Variants in CRPPA observed in about 807,000 individuals in gnomAD.
CRPPA encodes the protein CDP-L-ribitol pyrophosphorylase A.
In CRPPA, 43 loss-of-function variants were observed where a neutral mutation model predicts 52.0. The ratio of observed to expected loss-of-function variants is 0.83; its 90% CI spans 0.65 to 1.07. CRPPA has a LOEUF of 1.07. Ranked by LOEUF, CRPPA falls within the 50% of genes least tolerant of loss-of-function variation. The pLI is 0.00. For synonymous variants in CRPPA, 250 were observed against 203.5 expected (o/e 1.23, Z -1.94); for missense variants, 629 against 551.7 (o/e 1.14, Z -1.40).
At chr7:16,227,914 T>A (rs772846519) in intron 8 of CRPPA, among the ~76,000 whole-genome samples, 8 of 151,938 alleles carry the variant, frequency 5.3e-5, no homozygotes, top group Non-Finnish European at 1.0e-4. Context: ...GGAGTGGTTT[T>A]TGTATATGGT....
chr7:16,294,672 TTAAG>T (rs1784634868), intron 5 of CRPPA, among the ~76,000 whole-genome samples: 1 of 151,942 alleles, frequency 6.6e-6, no homozygotes, highest in Non-Finnish European at 1.5e-5. Context: ...ATTCGGAAAA[TTAAG>T]TGTCATACTC....
At chr7:16,323,108 A>ATTT (rs1785299284) in intron 3 of CRPPA, among the ~76,000 whole-genome samples, 1 of 152,100 alleles carries the variant, frequency 6.6e-6, no homozygotes. Flanking sequence ...TCAAGATGAG[A>ATTT]TTTTTGGGTG....
In CRPPA at chr7:16,089,606, G is replaced by A. The variant is rs765157195; in HGVS notation, c.*2089C>T. The A allele has an allele frequency of 1.8e-5, 4 of 216,498 alleles. No homozygotes were observed. The highest frequency in any genetic ancestry group is 5.6e-5 in the South Asian group (1 of 17,966). The allele number at this position is 216,498 out of a possible 1,614,324, so 13.4% of individuals were successfully genotyped here. A position where few individuals can be genotyped will look rare whatever the true frequency, so the allele number is the denominator to read the frequency against. The stretch of plus-strand genomic sequence containing the variant: ...ACATGCATGTATATACATATATATG[G>A]GTATACATACATGTATATGTATGTA... On this transcript the variant is annotated 3_prime_UTR_variant, in exon 10 of 10. Coordinates refer to ENST00000407010, the MANE Select transcript of CRPPA (RefSeq NM_001101426.4).
In CRPPA at chr7:16,406,041, A is replaced by G. The variant is rs1295594678; in HGVS notation, c.534+20T>C. The G allele has an allele frequency of 1.2e-6, 2 of 1,607,308 alleles. No homozygotes were observed. The highest frequency in any genetic ancestry group is 1.7e-6 in the Non-Finnish European group (2 of 1,175,582). ...TACAGTGCTTGTCCCTTCTATCTAG[A>G]CTCAAGAAAAAAGACTTACCCCGTG... On this transcript the variant is annotated intron_variant, in intron 2 of 9. Transcript: ENST00000407010.
intron 3 of CRPPA, among the ~76,000 whole-genome samples, chr7:16,344,263 T>G (rs1785946074): frequency 6.6e-6 from 1 of 151,908 alleles, no homozygotes; most frequent in Admixed American, 6.6e-5. Context: ...CCTAGAATTT[T>G]GACTTATTTA....
intron 9 of CRPPA, among the ~76,000 whole-genome samples, chr7:16,168,907 G>C (rs1290903875): frequency 6.6e-6 from 1 of 152,168 alleles, no homozygotes; most frequent in African/African-American, 2.4e-5. Flanking sequence ...ATTTGGCTGA[G>C]TGTACCTGAA....
At chr7:16,224,019 CA>C (rs1442038805) in intron 8 of CRPPA, among the ~76,000 whole-genome samples, 1 of 152,066 alleles carries the variant, frequency 6.6e-6, no homozygotes, top group Non-Finnish European at 1.5e-5. Context: ...TTCTGCCCCC[CA>C]CAAAAAAGAA....
intron 9 of CRPPA, among the ~76,000 whole-genome samples, chr7:16,174,547 T>A (rs141530474): frequency 6.6e-6 from 1 of 152,154 alleles, no homozygotes; most frequent in Non-Finnish European, 1.5e-5. Context: ...TACAAATTAA[T>A]AGTCGCTGGT....
At chr7:16,311,921 A>G (rs902306537) in intron 3 of CRPPA, among the ~76,000 whole-genome samples, 20 of 152,166 alleles carry the variant, frequency 1.3e-4, no homozygotes, top group Non-Finnish European at 2.1e-4. Context: ...CCAAAGACCA[A>G]TTGATTACAT....
intron 4 of CRPPA, among the ~76,000 whole-genome samples, chr7:16,303,615 T>C (rs779127495): frequency 1.3e-5 from 2 of 151,446 alleles, no homozygotes; most frequent in Admixed American, 6.6e-5. Context: ...TCAAAGATAA[T>C]AGAATGTTTA....
intron 8 of CRPPA, among the ~76,000 whole-genome samples, chr7:16,252,295 C>G (rs1168508671): frequency 6.6e-6 from 1 of 152,160 alleles, no homozygotes; most frequent in Non-Finnish European, 1.5e-5. Context: ...GAACCAACAA[C>G]AAAAATCACA....
chr7:16,125,357 G>T (rs1358815331), intron 9 of CRPPA, among the ~76,000 whole-genome samples: 1 of 149,292 alleles, frequency 6.7e-6, no homozygotes, highest in Non-Finnish European at 1.5e-5. Context: ...TTTCTCCCTT[G>T]CCCCCCAGTC....
At chr7:16,177,362 T>C (rs908802910) in intron 9 of CRPPA, among the ~76,000 whole-genome samples, 2 of 152,104 alleles carry the variant, frequency 1.3e-5, no homozygotes, top group African/African-American at 2.4e-5. Context: ...ATATAATATG[T>C]CCTATTTGAT....
intron 1 of CRPPA, among the ~76,000 whole-genome samples, chr7:16,409,893 A>G (rs74772627): frequency 0.019 from 2,906 of 152,258 alleles, 100 homozygotes; most frequent in African/African-American, 0.067. Context: ...TGTTTTGTCC[A>G]TTGCCTTACA....
rs1244722979 is a variant in CRPPA at position 16,389,918 on chromosome 7, A to ATATAT, written c.535-13678_535-13677insATATA. 7.9e-5 allele frequency among the ~76,000 whole-genome samples: 5 copies of ATATAT among 63,014 alleles called. 1 individual carries two copies. Among genetic ancestry groups the ATATAT allele is most frequent in the African/African-American group, 2.8e-4 (4 of 14,160 alleles). 41.3% of individuals were successfully genotyped at this position (63,014 alleles called of 152,430 possible). On this transcript the variant is annotated intron_variant, in intron 2 of 9. Coordinates refer to ENST00000407010, the MANE Select transcript of CRPPA (RefSeq NM_001101426.4). ...CAGAGAACAAGCCTAGTATACAAAA[A>ATATAT]AAAAAAAAAAATATATATATATATA...
Position 16,180,356 on chromosome 7 carries a change from C to A in CRPPA, c.1251+35710G>T, listed in dbSNP as rs531375215. Among the ~76,000 whole-genome samples the A allele has an allele frequency of 2.1e-3, 322 of 152,056 alleles. 2 individuals carry two copies. The highest frequency in any genetic ancestry group is 3.2e-3 in the Non-Finnish European group (216 of 67,962). On this transcript the variant is annotated intron_variant, in intron 9 of 9. Transcript: ENST00000407010. ...ATACTACACTATATTTTCCATAACTCTTAATTAGTAACAAAACTTACTTGA... is the reference window on the plus strand; with the variant it reads ...ATACTACACTATATTTTCCATAACTATTAATTAGTAACAAAACTTACTTGA...
At chr7:16,358,951 A>G (rs1786374650) in intron 3 of CRPPA, among the ~76,000 whole-genome samples, 1 of 152,246 alleles carries the variant, frequency 6.6e-6, no homozygotes, top group Non-Finnish European at 1.5e-5. Flanking sequence ...GTAAAGAAAA[A>G]AATAGATTTT....
rs138862956 is a variant in CRPPA at position 16,305,576 on chromosome 7, ATTTGGCTG to A, written c.789+2939_789+2946del. Among the ~76,000 whole-genome samples, 1,069 of 152,256 alleles carry A rather than the reference ATTTGGCTG, an allele frequency of 7.0e-3. 16 individuals carry two copies. The highest frequency in any genetic ancestry group is 0.025 in the African/African-American group (1,044 of 41,544). The stretch of plus-strand genomic sequence containing the variant: ...AACTGGCAGACTTCAAACAACAGAA[ATTTGGCTG>A]GGCGTGGTGGTGGTGGGTCACGCCT... On this transcript the variant is annotated intron_variant, in intron 4 of 9. Transcript: ENST00000407010.
In CRPPA at chr7:16,365,754, T is replaced by G. The variant is rs548451611; in HGVS notation, c.684+10338A>C. Among the ~76,000 whole-genome samples, 117 of 152,218 alleles carry G rather than the reference T, an allele frequency of 7.7e-4. 1 individual carries two copies. The highest frequency in any genetic ancestry group is 1.2e-3 in the Non-Finnish European group (85 of 68,016). ...TACGGACAAGAACTTAAACAAGACCTTCAACTCAAGATTTGGCCACAAAGT... is the reference window on the plus strand; with the variant it reads ...TACGGACAAGAACTTAAACAAGACCGTCAACTCAAGATTTGGCCACAAAGT... On this transcript the variant is annotated intron_variant, in intron 3 of 9. Transcript: ENST00000407010.
Sources: gnomAD v4.1 joint callset for allele counts (sites outside exome capture counted in the v4.1 genomes callset) on GRCh38, gnomAD v4.1.1 for gene constraint, MANE v1.5 for transcripts, NCBI Gene and HGNC (gene_info 2026-07-23, HGNC 2026-07-21) for gene names.